The following ACACA variants were observed in gnomAD, a reference collection of about 807,000 sequenced individuals.
ACACA encodes acetyl-CoA carboxylase 1.
A neutral mutation model predicts 296.1 loss-of-function variants in ACACA; 103 were observed. The observed-to-expected ratio is 0.35, with a 90% CI of 0.30 to 0.41. ACACA has a LOEUF of 0.41. Ranked by LOEUF, ACACA falls within the 10% of genes least tolerant of loss-of-function variation. ACACA has a pLI of 1.00. For missense variants in ACACA, 1,554 were observed against 2,989.7 expected (o/e 0.52, Z 11.20); for synonymous variants, 953 against 1,038.6 (o/e 0.92, Z 1.58).
rs1266324689 is a variant in ACACA, at chr17:37,350,336, G to GA, written c.39-10487dup. On this transcript the variant is annotated intron_variant, in intron 1 of 55. Coordinates refer to ENST00000616317, the MANE Select transcript of ACACA (RefSeq NM_198834.3). ...ACATAGTGAACCCGTCTCAAAAAAA[G>GA]AAAAAAAAAACCAAAAAAAAAAACC... Among the ~76,000 whole-genome samples the GA allele has an allele frequency of 8.5e-3, 1,054 of 124,176 alleles. 10 individuals carry two copies. The highest frequency in any genetic ancestry group is 0.025 in the African/African-American group (840 of 33,128). The allele number at this position is 124,176 out of a possible 152,430, so 81.5% of individuals were successfully genotyped here. A position where few individuals can be genotyped will look rare whatever the true frequency, so the allele number is the denominator to read the frequency against.
chr17:37,227,243 C>T (rs1017480148), intron 25 of ACACA, among the ~76,000 whole-genome samples: 14 of 152,102 alleles, frequency 9.2e-5, no homozygotes, highest in Non-Finnish European at 1.5e-4. Context: ...AGTTTATTCC[C>T]TAAATTCATC....
chr17:37,164,184 T>A (rs530859599), intron 41 of ACACA, among the ~76,000 whole-genome samples: 1 of 150,808 alleles, frequency 6.6e-6, no homozygotes, highest in African/African-American at 2.4e-5. Context: ...CCTTGGTCCC[T>A]CATCCCCAGG....
rs58285057 is a variant in ACACA at position 37,339,860 on chromosome 17, A to AAAG, written c.39-11_39-10insCTT. ...CCACTTCCAAAAAGACCTAGAGAGA[A>AAAG]AGAGAAAGATTTTAAGGTTTTTTTT... On this transcript the variant is annotated splice_polypyrimidine_tract_variant and intron_variant, in intron 1 of 55. Coordinates refer to ENST00000616317, the MANE Select transcript of ACACA (RefSeq NM_198834.3). 1 of 1,281,022 alleles carries AAAG rather than the reference A, an allele frequency of 7.8e-7. No homozygotes were observed. The highest frequency in any genetic ancestry group is 1.3e-5 in the South Asian group (1 of 79,550). 79.4% of individuals were successfully genotyped at this position (1,281,022 alleles called of 1,614,324 possible).
At chr17:37,242,465 C>A (rs2080461459) in intron 22 of ACACA, among the ~76,000 whole-genome samples, 1 of 152,186 alleles carries the variant, frequency 6.6e-6, no homozygotes, top group African/African-American at 2.4e-5. Flanking sequence ...TGGTGGCTCA[C>A]ACCTGTAACC....
rs1424885580 is a variant in ACACA, at chr17:37,245,221, T to C, written c.2461-7A>G. 1.2e-6 allele frequency: 2 copies of C among 1,613,494 alleles called. No individual in the cohort carries two copies. The highest frequency in any genetic ancestry group is 1.1e-5 in the South Asian group (1 of 91,056). On this transcript the variant is annotated splice_polypyrimidine_tract_variant and splice_region_variant and intron_variant, in intron 19 of 55. Coordinates refer to ENST00000616317, the MANE Select transcript of ACACA (RefSeq NM_198834.3). ...TCATTACCATCTTCATTACCTATAG[T>C]GAAAAATAAACTAGACTCAGATTTA...
intron 54 of ACACA, among the ~76,000 whole-genome samples, chr17:37,091,984 C>T (rs1380471765): frequency 6.6e-6 from 1 of 152,024 alleles, no homozygotes; most frequent in Non-Finnish European, 1.5e-5. Context: ...TTATTATTTC[C>T]CTCCTTAAAA....
intron 54 of ACACA, among the ~76,000 whole-genome samples, chr17:37,096,249 G>A (rs576002450): frequency 6.6e-6 from 1 of 152,240 alleles, no homozygotes; most frequent in East Asian, 1.9e-4. Flanking sequence ...AGTGGTTTCC[G>A]ACAGGCCTCA....
chr17:37,215,070 A>T (rs1226209110), intron 29 of ACACA, among the ~76,000 whole-genome samples: 1 of 152,232 alleles, frequency 6.6e-6, no homozygotes, highest in Non-Finnish European at 1.5e-5. Flanking sequence ...ATGGATGCCA[A>T]GCAGCCTAAA....
intron 47 of ACACA, among the ~76,000 whole-genome samples, chr17:37,127,467 A>T (rs996691825): frequency 2.0e-5 from 3 of 152,204 alleles, no homozygotes; most frequent in Non-Finnish European, 4.4e-5. Context: ...AAGCCGGCTA[A>T]GATGGCTTCC....
chr17:37,156,342 C>T (rs1409704289), intron 42 of ACACA, among the ~76,000 whole-genome samples: 1 of 152,118 alleles, frequency 6.6e-6, no homozygotes, highest in Non-Finnish European at 1.5e-5. Flanking sequence ...GGATTAAAGG[C>T]GTGAGCCACT....
intron 31 of ACACA, 132 bp downstream of exon 31, chr17:37,207,525 A>G (rs1457793317): frequency 1.8e-6 from 2 of 1,084,658 alleles, no homozygotes; most frequent in Non-Finnish European, 2.7e-6. Flanking sequence ...CGGCATATAC[A>G]GCAAGGGTTA....
intron 10 of ACACA, among the ~76,000 whole-genome samples, chr17:37,265,983 G>A (rs769142223): frequency 5.3e-5 from 8 of 152,158 alleles, no homozygotes; most frequent in Non-Finnish European, 1.0e-4. Context: ...ATCAACACAA[G>A]TCTCTTGACA....
At chr17:37,117,405 G>GA (rs1200877246) in intron 50 of ACACA, among the ~76,000 whole-genome samples, 1 of 152,036 alleles carries the variant, frequency 6.6e-6, no homozygotes, top group Non-Finnish European at 1.5e-5. Flanking sequence ...CCTGTCCCAG[G>GA]AAAAAATAAT....
chr17:37,295,909 G>A (rs1269659306), intron 3 of ACACA, among the ~76,000 whole-genome samples: 1 of 151,548 alleles, frequency 6.6e-6, no homozygotes, highest in Non-Finnish European at 1.5e-5. Context: ...TGGGCTAAAG[G>A]GCGAGACTCC....
chr17:37,346,165 T>C (rs941878957), intron 1 of ACACA, among the ~76,000 whole-genome samples: 4 of 151,948 alleles, frequency 2.6e-5, no homozygotes, highest in African/African-American at 9.7e-5. Flanking sequence ...TAAAGTATTA[T>C]GGTTAGCCGG....
chr17:37,155,655 C>G, intron 43 of ACACA, 28 bp downstream of exon 43: 1 of 1,496,976 alleles, frequency 6.7e-7, no homozygotes. Context: ...TAGTCATGAC[C>G]AAATTATTCC....
chr17:37,217,014 G>A (rs1344881218), intron 29 of ACACA, among the ~76,000 whole-genome samples: 1 of 152,028 alleles, frequency 6.6e-6, no homozygotes, highest in African/African-American at 2.4e-5. Context: ...CGTAATCCCA[G>A]CACTTTGGGA....
At chr17:37,302,634 G>T (rs1166671428) in intron 3 of ACACA, among the ~76,000 whole-genome samples, 1 of 152,104 alleles carries the variant, frequency 6.6e-6, no homozygotes, top group Non-Finnish European at 1.5e-5. Flanking sequence ...ACAAGTTTTA[G>T]TGTATAAGTC....
chr17:37,177,705 C>T (rs2077173352), intron 41 of ACACA, among the ~76,000 whole-genome samples: 3 of 152,198 alleles, frequency 2.0e-5, no homozygotes, highest in African/African-American at 7.2e-5. Context: ...TGCTGAGGGG[C>T]TCACTAGGCA....
Sources: allele counts gnomAD v4.1 joint callset (sites outside exome capture counted in the v4.1 genomes callset), GRCh38; gene constraint gnomAD v4.1.1; transcripts MANE v1.5; gene names NCBI Gene and HGNC (gene_info 2026-07-23, HGNC 2026-07-21).